CREG2: variants seen among roughly 807,000 people sequenced by gnomAD.
CREG2 encodes cellular repressor of E1A stimulated genes 2, also known as protein CREG2.
In CREG2, 24 loss-of-function variants were observed where a neutral mutation model predicts 26.2. The observed-to-expected ratio is 0.92, with a 90% CI of 0.66 to 1.29. The LOEUF is 1.29. Ranked by LOEUF, CREG2 falls within the 50% of genes most tolerant of loss-of-function variation. The probability of loss-of-function intolerance (pLI) is 0.00; values close to 1 mark genes in which losing one functional copy is unlikely to be tolerated. For synonymous variants in CREG2, 174 were observed against 169.2 expected (o/e 1.03, Z -0.22); for missense variants, 366 against 398.6 (o/e 0.92, Z 0.70).
rs79822552 is a variant in CREG2 at position 101,375,958 on chromosome 2, G to A, written c.611+7575C>T. ...GGATCTCAGAAGGCTGTCAAGGCAG[G>A]CCTGTCGGCAGTTTCAGCTTTCAGC... is the stretch of plus-strand genomic sequence containing the variant. On this transcript the variant is annotated intron_variant, in intron 2 of 3. Coordinates refer to ENST00000324768, the MANE Select transcript of CREG2 (RefSeq NM_153836.4). The A allele has an allele frequency of 2.8e-3, 486 of 174,252 alleles. 5 individuals carry two copies. The highest frequency in any genetic ancestry group is 0.011 in the African/African-American group (467 of 42,166). 10.8% of individuals were successfully genotyped at this position (174,252 alleles called of 1,614,324 possible).
intron 1 of CREG2, among the ~76,000 whole-genome samples, chr2:101,386,642 G>T (rs557420015): frequency 2.4e-4 from 36 of 152,164 alleles, no homozygotes; most frequent in African/African-American, 7.5e-4. Context: ...TGTGCCCTGC[G>T]CTGGGAAGGG....
At chr2:101,355,139 A>C in intron 3 of CREG2, 114 bp downstream of exon 3, 1 of 690,220 alleles carries the variant, frequency 1.4e-6, no homozygotes, top group Non-Finnish European at 2.6e-6. Context: ...TTCCCACCGA[A>C]GGGCAGTGGA....
At chr2:101,351,794 AT>A (rs1207231303) in intron 3 of CREG2, among the ~76,000 whole-genome samples, 1 of 152,210 alleles carries the variant, frequency 6.6e-6, no homozygotes, top group African/African-American at 2.4e-5. Context: ...TATCTAAAAA[AT>A]GTCATAAACA....
chr2:101,369,139 C>T lies in CREG2; in HGVS notation c.612-13773G>A, dbSNP rs145735874. On this transcript the variant is annotated intron_variant, in intron 2 of 3. Coordinates refer to ENST00000324768, the MANE Select transcript of CREG2 (RefSeq NM_153836.4). ...TAAGCTGGACAGTAGAATGATGAGA[C>T]GGGTGTTTTGAAAATATCCCTCTGG... 2.6e-3 allele frequency among the ~76,000 whole-genome samples: 399 copies of T among 152,252 alleles called. 2 individuals carry two copies. Among genetic ancestry groups the T allele is most frequent in the Non-Finnish European group, 3.7e-3 (250 of 68,020 alleles).
At chr2:101,351,832 G>A (rs1045403636) in intron 3 of CREG2, among the ~76,000 whole-genome samples, 2 of 152,046 alleles carry the variant, frequency 1.3e-5, no homozygotes, top group Admixed American at 6.5e-5. Flanking sequence ...TCCAAACTGG[G>A]AAAAACATTT....
At position 101,387,295 on chromosome 2, in the gene CREG2, TG is replaced by T; in HGVS notation, c.162del (p.Thr55LeufsTer9). 6.7e-7 allele frequency: 1 copy of T among 1,489,926 alleles called. No homozygotes were observed. Among genetic ancestry groups the T allele is most frequent in the Non-Finnish European group, 9.0e-7 (1 of 1,113,174 alleles). 92.3% of individuals were successfully genotyped at this position (1,489,926 alleles called of 1,614,324 possible). On this transcript the variant is annotated frameshift_variant, in exon 1 of 4. Coordinates refer to ENST00000324768, the MANE Select transcript of CREG2 (RefSeq NM_153836.4). LOFTEE classifies it high-confidence loss of function. This position sits in a 1 kb window ranked among gnomAD's most constrained non-coding sequence, Gnocchi z 4.7. ...AGCAGCGCGGGCATAGCCTCCTCAGTGGAGGCGCTGTCCAGCTCCTCGTCCA... is the reference window on the plus strand; with the variant it reads ...AGCAGCGCGGGCATAGCCTCCTCAGTGAGGCGCTGTCCAGCTCCTCGTCCA... ...NEVDEELDSA[S>X]TEEAMPALLE...
chr2:101,345,792 A>G lies in CREG2; in HGVS notation c.*5131T>C, dbSNP rs1238515616. The G allele has an allele frequency of 6.6e-6, 1 of 152,022 alleles. No homozygotes were observed. Among genetic ancestry groups the G allele is most frequent in the East Asian group, 1.9e-4 (1 of 5,180 alleles). The allele number at this position is 152,022 out of a possible 1,614,324, so 9.4% of individuals were successfully genotyped here. A position where few individuals can be genotyped will look rare whatever the true frequency, so the allele number is the denominator to read the frequency against. ...CAGAACAGTATTTGATAGTTCAATT[A>G]TTTAAATAAATACAGACTTTTTGGA... On this transcript the variant is annotated 3_prime_UTR_variant, in exon 4 of 4. Transcript: ENST00000324768.
At position 101,347,950 on chromosome 2, in the gene CREG2, T is replaced by C. The variant is rs1460237383; in HGVS notation, c.*2973A>G. Reference sequence around the variant, plus strand: ...TATAGTTTTATAGTTTTACATTTTATTTTTACAGATATGATCTGAGTTAAT... The same window carrying C: ...TATAGTTTTATAGTTTTACATTTTACTTTTACAGATATGATCTGAGTTAAT... On this transcript the variant is annotated 3_prime_UTR_variant, in exon 4 of 4. Coordinates refer to ENST00000324768, the MANE Select transcript of CREG2 (RefSeq NM_153836.4). 1 of 152,236 alleles carries C rather than the reference T, an allele frequency of 6.6e-6. No individual in the cohort carries two copies. Among genetic ancestry groups the C allele is most frequent in the Non-Finnish European group, 1.5e-5 (1 of 68,040 alleles). 9.4% of individuals were successfully genotyped at this position (152,236 alleles called of 1,614,324 possible).
intron 2 of CREG2, among the ~76,000 whole-genome samples, chr2:101,361,926 G>T (rs916281285): frequency 1.3e-5 from 2 of 152,164 alleles, no homozygotes; most frequent in African/African-American, 4.8e-5. Context: ...GCTGTAGGAG[G>T]TGTTGCCCCT....
In CREG2 at chr2:101,369,389, G is replaced by A. The variant is rs191803658; in HGVS notation, c.612-14023C>T. 4.1e-4 allele frequency among the ~76,000 whole-genome samples: 63 copies of A among 152,258 alleles called. 2 individuals are homozygous for A. The highest frequency in any genetic ancestry group is 3.4e-3 in the Middle Eastern group (1 of 294). ...CATGCAGACAGGGAGCCCAGGTAGA[G>A]GAGGCCTCTGGGGAGGAGAAGAAGC... On this transcript the variant is annotated intron_variant, in intron 2 of 3. Coordinates refer to ENST00000324768, the MANE Select transcript of CREG2 (RefSeq NM_153836.4).
chr2:101,382,577 G>A, intron 2 of CREG2: 1 of 985,428 alleles, frequency 1.0e-6, no homozygotes, highest in Non-Finnish European at 1.2e-6. Flanking sequence ...AACCTGGTGG[G>A]GAACAGGGTC....
At chr2:101,365,738 T>A (rs115172635) in intron 2 of CREG2, among the ~76,000 whole-genome samples, 1,858 of 152,250 alleles carry the variant, frequency 0.012, 29 homozygotes, top group African/African-American at 0.042. Context: ...ATGTCTCCCA[T>A]ATATGTATTT....
At chr2:101,367,544 T>A (rs1342985414) in intron 2 of CREG2, among the ~76,000 whole-genome samples, 1 of 152,202 alleles carries the variant, frequency 6.6e-6, no homozygotes, top group Non-Finnish European at 1.5e-5. Context: ...CAGTTGCACA[T>A]CCATTTAAAC....
At chr2:101,362,159 T>G (rs932235163) in intron 2 of CREG2, among the ~76,000 whole-genome samples, 1 of 152,108 alleles carries the variant, frequency 6.6e-6, no homozygotes, top group Admixed American at 6.5e-5. Flanking sequence ...AGAGTGGAAA[T>G]CCCCCTAACT....
At chr2:101,363,584 G>T (rs574227850) in intron 2 of CREG2, among the ~76,000 whole-genome samples, 21 of 152,088 alleles carry the variant, frequency 1.4e-4, no homozygotes, top group Non-Finnish European at 2.5e-4. Flanking sequence ...AATATTGGAG[G>T]AAAGGATGTA....
chr2:101,382,832 C>A, intron 2 of CREG2: 1 of 985,448 alleles, frequency 1.0e-6, no homozygotes, highest in South Asian at 4.7e-5. Context: ...TTAAAGGGCT[C>A]ACCCCAGGCC....
rs1163585714 is a variant in CREG2 at position 101,345,832 on chromosome 2, AC to A, written c.*5090del. The A allele has an allele frequency of 1.4e-5, 2 of 146,156 alleles. No homozygotes were observed. The highest frequency in any genetic ancestry group is 3.0e-5 in the Non-Finnish European group (2 of 67,222). 9.1% of individuals were successfully genotyped at this position (146,156 alleles called of 1,614,324 possible). A position where few individuals can be genotyped will look rare whatever the true frequency, so the allele number is the denominator to read the frequency against. ...GACTTTTTGGAAAAATTGTAGAAAT[AC>A]CTTTTTTTTTTTTTAAGAGACAAAG... On this transcript the variant is annotated 3_prime_UTR_variant, in exon 4 of 4. Coordinates refer to ENST00000324768, the MANE Select transcript of CREG2 (RefSeq NM_153836.4).
chr2:101,366,051 T>C (rs1684612408), intron 2 of CREG2, among the ~76,000 whole-genome samples: 1 of 152,238 alleles, frequency 6.6e-6, no homozygotes. Context: ...TCTATGAGAA[T>C]ATGACCATGC....
In CREG2 at chr2:101,350,605, A is replaced by C; in HGVS notation, c.*318T>G. Reference sequence around the variant, plus strand: ...CAGGCATTTTTTTTTTTCCTTAAACAATGAAACAACAATGATCTCAACATG... The same window carrying C: ...CAGGCATTTTTTTTTTTCCTTAAACCATGAAACAACAATGATCTCAACATG... On this transcript the variant is annotated 3_prime_UTR_variant, in exon 4 of 4. Coordinates refer to ENST00000324768, the MANE Select transcript of CREG2 (RefSeq NM_153836.4). The C allele has an allele frequency of 4.6e-6, 1 of 219,570 alleles. No individual in the cohort carries two copies. Among genetic ancestry groups the C allele is most frequent in the Non-Finnish European group, 8.9e-6 (1 of 112,590 alleles). The allele number at this position is 219,570 out of a possible 1,614,324, so 13.6% of individuals were successfully genotyped here.
Sources: allele counts gnomAD v4.1 joint callset (sites outside exome capture counted in the v4.1 genomes callset), GRCh38; gene constraint gnomAD v4.1.1; non-coding constraint Gnocchi (gnomAD v3.1); transcripts MANE v1.5; gene names NCBI Gene and HGNC (gene_info 2026-07-23, HGNC 2026-07-21).